NOL9: variants seen among roughly 807,000 people sequenced by gnomAD.
NOL9 encodes the protein polynucleotide 5'-hydroxyl-kinase NOL9.
Under a neutral mutation model 67.9 loss-of-function variants are expected in NOL9, and 28 were observed. The ratio of observed to expected loss-of-function variants is 0.41; its 90% CI spans 0.31 to 0.57. NOL9 has a LOEUF of 0.57. NOL9 is among the 20% of genes least tolerant of loss of function. The pLI, the probability that NOL9 is intolerant of heterozygous loss-of-function variation, is 0.25. For synonymous variants in NOL9, 356 were observed against 352.2 expected, an observed-to-expected ratio of 1.01 and a Z score of -0.12; for missense variants, 777 against 897.0, an observed-to-expected ratio of 0.87 and a Z score of 1.71.
rs143637537 is a variant in NOL9 at position 6,533,829 on chromosome 1, T to C, written c.1076-388A>G. On this transcript the variant is annotated intron_variant, in intron 6 of 11. Coordinates refer to ENST00000377705, the MANE Select transcript of NOL9 (RefSeq NM_024654.5). Reference sequence around the variant, plus strand: ...GCAATGAATAGCCATGTGTGTCTTATAGCAATACAGCAATGACTCTGTTCT... The same window carrying C: ...GCAATGAATAGCCATGTGTGTCTTACAGCAATACAGCAATGACTCTGTTCT... Among the ~76,000 whole-genome samples, 663 of 151,798 alleles carry C rather than the reference T, an allele frequency of 4.4e-3. 2 individuals carry two copies. The highest frequency in any genetic ancestry group is 5.8e-3 in the Non-Finnish European group (397 of 67,986).
chr1:6,538,630 C>G (rs537961931), intron 6 of NOL9, among the ~76,000 whole-genome samples: 1 of 152,228 alleles, frequency 6.6e-6, no homozygotes, highest in African/African-American at 2.4e-5. Context: ...TGAGATCACA[C>G]TACTTCACTC....
intron 3 of NOL9, among the ~76,000 whole-genome samples, chr1:6,546,497 T>C (rs1021916659): frequency 6.6e-6 from 1 of 152,168 alleles, no homozygotes; most frequent in African/African-American, 2.4e-5. Context: ...TCCCACACAG[T>C]GACGACCTTG....
intron 6 of NOL9, 35 bp from the exon 7 acceptor site, chr1:6,533,476 G>A: frequency 3.3e-6 from 5 of 1,502,268 alleles, no homozygotes; most frequent in Non-Finnish European, 4.5e-6. Flanking sequence ...AGATGAGTAA[G>A]GTGAGTGATC....
In NOL9 at chr1:6,521,433, TACACAC is replaced by T; in HGVS notation, c.*4415_*4420del. On this transcript the variant is annotated 3_prime_UTR_variant, in exon 12 of 12. Coordinates refer to ENST00000377705, the MANE Select transcript of NOL9 (RefSeq NM_024654.5). ...CAGAAACCATACATATTTTGTAAAA[TACACAC>T]ACACACAGCAGAACCCCAGCTGAGA... is the stretch of plus-strand genomic sequence containing the variant. 1 of 152,106 alleles carries T rather than the reference TACACAC, an allele frequency of 6.6e-6. No homozygotes were observed. Among genetic ancestry groups the T allele is most frequent in the African/African-American group, 2.4e-5 (1 of 41,496 alleles). The allele number at this position is 152,106 out of a possible 1,614,324, so 9.4% of individuals were successfully genotyped here.
chr1:6,541,488 A>G (rs1396801394), intron 6 of NOL9, among the ~76,000 whole-genome samples: 3 of 152,252 alleles, frequency 2.0e-5, no homozygotes, highest in African/African-American at 7.2e-5. Flanking sequence ...AGCCTGATTA[A>G]CAGTATTGAT....
chr1:6,538,916 G>A (rs1289472322), intron 6 of NOL9, among the ~76,000 whole-genome samples: 3 of 152,170 alleles, frequency 2.0e-5, no homozygotes, highest in Non-Finnish European at 4.4e-5. Context: ...AGGCTGTAGT[G>A]AGCTGAGATC....
intron 1 of NOL9, among the ~76,000 whole-genome samples, chr1:6,553,732 C>T (rs1466747984): frequency 2.0e-5 from 3 of 152,128 alleles, no homozygotes; most frequent in Non-Finnish European, 4.4e-5. Flanking sequence ...GTCCCAACTA[C>T]TCCGGAGGCT....
intron 8 of NOL9, 76 bp from the exon 9 acceptor site, chr1:6,532,155 G>T: frequency 8.7e-7 from 1 of 1,146,566 alleles, no homozygotes; most frequent in Non-Finnish European, 1.3e-6. Flanking sequence ...CATCACAGAG[G>T]TCACATTTTC....
At chr1:6,526,947 T>A (rs1361253319) in intron 10 of NOL9, 118 bp from the exon 11 acceptor site, 1 of 1,338,964 alleles carries the variant, frequency 7.5e-7, no homozygotes, top group East Asian at 2.5e-5. Context: ...TGTTTTGTTT[T>A]GAAAATACAA....
chr1:6,554,107 C>G lies in NOL9; in HGVS notation c.396G>C (p.Gln132His), dbSNP rs1306493230. The G allele has an allele frequency of 4.6e-6, 7 of 1,525,148 alleles. No individual in the cohort carries two copies. 94.5% of individuals were successfully genotyped at this position (1,525,148 alleles called of 1,614,324 possible). ...GRALLLLPVE[Q>H]GFTFSGICRV... ...ACTACTACCGGCGCCCCCCACCTAC[C>G]TGCTCGACCGGCAGCAGCAGCAACG... Residue 132 changes from glutamine (Q) to histidine (H), a missense_variant and splice_region_variant, in exon 1 of 12, where the codon CAG becomes CAC. Coordinates refer to ENST00000377705, the MANE Select transcript of NOL9 (RefSeq NM_024654.5).
rs570075437 is a variant in NOL9, at chr1:6,529,127, G to A, written c.1692C>T (p.Val564=). Residue 564 remains valine, a synonymous_variant, in exon 10 of 12, where the codon GTC becomes GTT. Coordinates refer to ENST00000377705, the MANE Select transcript of NOL9 (RefSeq NM_024654.5). ...CAGCATATAGTATATGGGTAGGGGC[G>A]ACATCAGAGTGGGTAATCCGGAGTG... ...AVALRITHSD[V]APTHILYAVN... 57 of 1,614,002 alleles carry A rather than the reference G, an allele frequency of 3.5e-5. 1 individual carries two copies. In the South Asian group the frequency reaches 4.2e-4, roughly 12 times the overall value.
chr1:6,542,027 AT>A, intron 5 of NOL9, 100 bp from the exon 6 acceptor site: 1 of 646,568 alleles, frequency 1.5e-6, no homozygotes, highest in South Asian at 2.5e-5. Context: ...ACACGCAGGC[AT>A]AATCCACCAC....
chr1:6,532,626 T>C lies in NOL9; in HGVS notation c.1372A>G (p.Thr458Ala). ...QYVDDMDGLY[T>A]KSKTKMRNRR... is the part of the protein sequence containing the mutation. ...TTTCTCATCTTGGTCTTGCTTTTTG[T>C]GTACAAGCCATCCATGTCATCTACA... The change falls in exon 8 of 12, where the codon ACA (threonine) becomes GCA (alanine). Residue 458 changes from threonine (T) to alanine (A), a missense_variant. Thr to Ala is a moderately conservative substitution (Grantham distance 58, BLOSUM62 0). Coordinates refer to ENST00000377705, the MANE Select transcript of NOL9 (RefSeq NM_024654.5). 1 of 1,614,202 alleles carries C rather than the reference T, an allele frequency of 6.2e-7. No homozygotes were observed. The highest frequency in any genetic ancestry group is 8.5e-7 in the Non-Finnish European group (1 of 1,180,046).
At chr1:6,532,331 G>T (rs905792576) in intron 8 of NOL9, 132 bp downstream of exon 8, 2 of 871,908 alleles carry the variant, frequency 2.3e-6, no homozygotes, top group Non-Finnish European at 3.5e-6. Context: ...CAACTGGTTC[G>T]TCTTTGTGCA....
intron 3 of NOL9, chr1:6,548,013 G>T: frequency 3.4e-6 from 1 of 294,880 alleles, no homozygotes; most frequent in South Asian, 3.5e-5. Context: ...ACAAAACTAG[G>T]CTGTCCCGAA....
At position 6,532,791 on chromosome 1, in the gene NOL9, A is replaced by ACACTCAAGAACAGTGACG. The variant is rs751884870; in HGVS notation, c.1238-49_1238-32dup. The ACACTCAAGAACAGTGACG allele has an allele frequency of 7.0e-6, 11 of 1,570,924 alleles. No individual in the cohort carries two copies. In the East Asian group the frequency reaches 2.0e-4, roughly 29 times the overall value. On this transcript the variant is annotated intron_variant, in intron 7 of 11. Transcript: ENST00000377705. ...GGGAAGAGACATTAGCACAGCTGAT[A>ACACTCAAGAACAGTGACG]CACTCAAGAACAGTGACGCGCTCAA...
intron 6 of NOL9, among the ~76,000 whole-genome samples, chr1:6,533,890 CTTT>C (rs571588894): frequency 1.4e-5 from 2 of 141,718 alleles, no homozygotes; most frequent in African/African-American, 2.6e-5. Flanking sequence ...AATTTTCTTT[CTTT>C]TTTTTTTTTT....
At chr1:6,535,772 C>A (rs1314564491) in intron 6 of NOL9, among the ~76,000 whole-genome samples, 2 of 151,744 alleles carry the variant, frequency 1.3e-5, no homozygotes, top group African/African-American at 4.8e-5. Flanking sequence ...ACTAAAAATA[C>A]AAAAAATTAG....
intron 1 of NOL9, 39 bp downstream of exon 1, chr1:6,554,068 C>G: frequency 3.4e-6 from 5 of 1,491,236 alleles, no homozygotes; most frequent in Non-Finnish European, 4.5e-6. Flanking sequence ...CTCCAGCCCT[C>G]CCTGCCCTCG....
Sources: gnomAD v4.1 joint callset for allele counts (sites outside exome capture counted in the v4.1 genomes callset) on GRCh38, gnomAD v4.1.1 for gene constraint, MANE v1.5 for transcripts, NCBI Gene and HGNC (gene_info 2026-07-23, HGNC 2026-07-21) for gene names.